SETX: variants seen among roughly 807,000 people sequenced by gnomAD.
SETX encodes the protein helicase senataxin.
Under a neutral mutation model 227.2 loss-of-function variants are expected in SETX, and 90 were observed. The observed-to-expected ratio is 0.40, with a 90% CI of 0.33 to 0.47. The LOEUF (loss-of-function observed/expected upper bound fraction) is 0.47. SETX is among the 20% of genes least tolerant of loss of function. The probability of loss-of-function intolerance (pLI) is 0.91; values close to 1 mark genes in which losing one functional copy is unlikely to be tolerated. For missense variants in SETX, 3,052 were observed against 3,181.5 expected (o/e 0.96, Z 0.98); for synonymous variants, 1,210 against 1,113.2 (o/e 1.09, Z -1.73).
chr9:132,310,057 A>G (rs1845565094), intron 11 of SETX, among the ~76,000 whole-genome samples: 4 of 152,200 alleles, frequency 2.6e-5, no homozygotes, highest in Admixed American at 6.6e-5. Context: ...CAGATTATAT[A>G]AAGAACTCCT....
At chr9:132,301,317 G>C (rs1285612774) in intron 11 of SETX, among the ~76,000 whole-genome samples, 1 of 151,882 alleles carries the variant, frequency 6.6e-6, no homozygotes, top group Non-Finnish European at 1.5e-5. Flanking sequence ...TCGATCTCCT[G>C]ACCTCGTGAT....
intron 10 of SETX, among the ~76,000 whole-genome samples, chr9:132,316,524 T>G (rs1156473368): frequency 6.6e-6 from 1 of 152,266 alleles, no homozygotes; most frequent in Non-Finnish European, 1.5e-5. Context: ...CTTCATCACC[T>G]AAACTGACAT....
rs35370496 is a variant in SETX, at chr9:132,313,827, T to TAA, written c.5275-1973_5275-1972dup. Among the ~76,000 whole-genome samples, 26 of 144,486 alleles carry TAA rather than the reference T, an allele frequency of 1.8e-4. No individual in the cohort carries two copies. The East Asian group carries it at 2.0e-3, about 11-fold the overall frequency. The allele number at this position is 144,486 out of a possible 152,430, so 94.8% of individuals were successfully genotyped here. A position where few individuals can be genotyped will look rare whatever the true frequency, so the allele number is the denominator to read the frequency against. On this transcript the variant is annotated intron_variant, in intron 10 of 25. Transcript: ENST00000224140. The stretch of plus-strand genomic sequence containing the variant: ...TCCTTTCAAAAGGTGTCAGCTGCTG[T>TAA]AAAAAAAAAAACAATAAAAAGAAAA...
At chr9:132,307,291 T>G (rs1845389500) in intron 11 of SETX, among the ~76,000 whole-genome samples, 1 of 152,080 alleles carries the variant, frequency 6.6e-6, no homozygotes, top group South Asian at 2.1e-4. Flanking sequence ...ATAATAATGT[T>G]TTCTGCCTTA....
chr9:132,293,575 C>T (rs1257472404), intron 15 of SETX, among the ~76,000 whole-genome samples: 4 of 152,104 alleles, frequency 2.6e-5, no homozygotes, highest in Non-Finnish European at 5.9e-5. Flanking sequence ...ACCCGTGCCA[C>T]GACGTGCAGC....
chr9:132,322,992 C>G (rs1846463809), intron 10 of SETX, among the ~76,000 whole-genome samples: 1 of 151,258 alleles, frequency 6.6e-6, no homozygotes, highest in Non-Finnish European at 1.5e-5. Flanking sequence ...GAAAGGATAA[C>G]AAAAAGAAAA....
chr9:132,348,356 C>T (rs1253802807), intron 3 of SETX, among the ~76,000 whole-genome samples: 1 of 96,266 alleles, frequency 1.0e-5, no homozygotes, highest in Admixed American at 1.4e-4. Context: ...GAGTGAGACT[C>T]TGTCTCAAAA....
At chr9:132,330,649 T>C in intron 9 of SETX, 150 bp from the exon 10 acceptor site, 1 of 677,162 alleles carries the variant, frequency 1.5e-6, no homozygotes, top group South Asian at 1.7e-5. Context: ...AATTGTGGCA[T>C]ATAATTATAT....
intron 7 of SETX, among the ~76,000 whole-genome samples, chr9:132,332,432 T>C (rs1230128951): frequency 1.3e-5 from 2 of 152,234 alleles, no homozygotes; most frequent in Non-Finnish European, 2.9e-5. Context: ...GTCACTGCTA[T>C]TGCTACGTCA....
intron 1 of SETX, among the ~76,000 whole-genome samples, chr9:132,354,420 C>T (rs1225083068): frequency 6.7e-6 from 1 of 148,406 alleles, no homozygotes; most frequent in East Asian, 2.0e-4. Context: ...CGCTGGAGCC[C>T]AGGAAGACGA....
chr9:132,309,626 A>G (rs744131), intron 11 of SETX, among the ~76,000 whole-genome samples: 1,913 of 152,192 alleles, frequency 0.013, 31 homozygotes, highest in African/African-American at 0.038. Context: ...GGATCACTTG[A>G]GACCAGGAGT....
At chr9:132,265,223 T>TG (rs1491236546) in intron 25 of SETX, among the ~76,000 whole-genome samples, 12 of 131,476 alleles carry the variant, frequency 9.1e-5, no homozygotes, top group African/African-American at 4.1e-4. Flanking sequence ...CTTCAACTTT[T>TG]GTTTTTTTTT....
Position 132,326,718 on chromosome 9 carries a change from T to A in SETX, c.4880A>T (p.Lys1627Met), listed in dbSNP as rs755365790. The A allele has an allele frequency of 6.2e-7, 1 of 1,614,180 alleles. No homozygotes were observed. The highest frequency in any genetic ancestry group is 8.5e-7 in the Non-Finnish European group (1 of 1,180,026). Residue 1627 changes from lysine to methionine, a missense_variant, in exon 10 of 26, where the codon AAG becomes ATG. Physicochemically the swap from Lys to Met is moderately conservative, Grantham distance 95. This residue lies in a region of SETX where 1,483 missense variants were observed against 1,312.0 expected (regional missense o/e 1.13). Coordinates refer to ENST00000224140, the MANE Select transcript of SETX (RefSeq NM_015046.7). ...CAAAATCGACTGTATCCCCTTTGAC[T>A]TATTTTTTAGAGACGGTGAAAGTGC... Reference protein sequence around the residue: ...SSALSPSLKNKSKGIQSILKV... With the variant: ...SSALSPSLKNMSKGIQSILKV...
chr9:132,350,107 C>T (rs1564167055), intron 2 of SETX, among the ~76,000 whole-genome samples: 2 of 152,132 alleles, frequency 1.3e-5, no homozygotes, highest in African/African-American at 4.8e-5. Flanking sequence ...AAGCCCAGCA[C>T]TTTGGGAGGC....
At chr9:132,271,254 TGAAATGGGTTAATATA>T (rs1348373787) in intron 24 of SETX, among the ~76,000 whole-genome samples, 1 of 150,436 alleles carries the variant, frequency 6.6e-6, no homozygotes, top group African/African-American at 2.5e-5. Flanking sequence ...ATTCACACTA[TGAAATGGGTTAATATA>T]AAAGACACCA....
chr9:132,275,338 G>A lies in SETX; in HGVS notation c.7018C>T (p.Arg2340Ter), dbSNP rs896341438. 5.0e-6 allele frequency: 8 copies of A among 1,612,716 alleles called. No homozygotes were observed. Among genetic ancestry groups the A allele is most frequent in the African/African-American group, 1.3e-5 (1 of 74,860 alleles). The change falls in exon 23 of 26, where the codon CGA (arginine) becomes TGA (stop). Residue 2340 changes from arginine to a stop codon, truncating the protein, a stop_gained. Coordinates refer to ENST00000224140, the MANE Select transcript of SETX (RefSeq NM_015046.7). LOFTEE classifies it high-confidence loss of function. Reference sequence around the variant, plus strand: ...TAATGAGTTATTATGCCAATGTTTCGAAAACTAACATCCTTTCTTTTGTCT... The same window carrying A: ...TAATGAGTTATTATGCCAATGTTTCAAAAACTAACATCCTTTCTTTTGTCT... ...IKDKRKDVSF[R>*]NIGIITHYKA... is the part of the protein sequence containing the mutation.
At chr9:132,278,362 G>C (rs1843291205) in intron 20 of SETX, 105 bp from the exon 21 acceptor site, 3 of 1,077,732 alleles carry the variant, frequency 2.8e-6, no homozygotes, top group Non-Finnish European at 4.1e-6. Context: ...GCAACGTTCA[G>C]GTAGCATAAG....
intron 5 of SETX, among the ~76,000 whole-genome samples, chr9:132,340,653 C>G (rs1304398426): frequency 6.6e-6 from 1 of 152,210 alleles, no homozygotes; most frequent in Non-Finnish European, 1.5e-5. Flanking sequence ...TCCCCCAAGT[C>G]CTGGGGTTAA....
chr9:132,278,302 T>C (rs373889147), intron 20 of SETX, 45 bp from the exon 21 acceptor site: 20 of 1,588,486 alleles, frequency 1.3e-5, no homozygotes, highest in African/African-American at 2.7e-5. Context: ...AATTCATTTA[T>C]ATCTTTCCCA....
Sources: gnomAD v4.1 joint callset for allele counts (sites outside exome capture counted in the v4.1 genomes callset) on GRCh38, gnomAD v4.1.1 for gene constraint, gnomAD v4.1.1 regional missense constraint, MANE v1.5 for transcripts, NCBI Gene and HGNC (gene_info 2026-07-23, HGNC 2026-07-21) for gene names.